Variants in PAPOLG observed in about 807,000 individuals in gnomAD.
PAPOLG encodes the protein PAP-gamma.
Under a neutral mutation model 99.0 loss-of-function variants are expected in PAPOLG, and 40 were observed. That is an observed-to-expected ratio of 0.40 (90% CI 0.31 to 0.53). The LOEUF is 0.53. PAPOLG is among the 20% of genes least tolerant of loss of function. The pLI is 0.41. For missense variants in PAPOLG, 675 were observed against 884.1 expected (o/e 0.76, Z 3.00); for synonymous variants, 310 against 299.3 (o/e 1.04, Z -0.37).
chr2:60,758,298 G>A (rs1182895416), intron 1 of PAPOLG, among the ~76,000 whole-genome samples: 1 of 132,206 alleles, frequency 7.6e-6, no homozygotes, highest in East Asian at 2.4e-4. Flanking sequence ...AAATACAGAA[G>A]ATAAATTAAC....
intron 9 of PAPOLG, 63 bp from the exon 10 acceptor site, chr2:60,780,644 T>A (rs1671160046): frequency 2.0e-6 from 3 of 1,483,044 alleles, no homozygotes; most frequent in Non-Finnish European, 2.8e-6. Context: ...CTAATAATTA[T>A]AAAGTTTCAT....
At chr2:60,793,800 A>C (rs1671614562) in intron 18 of PAPOLG, 85 bp downstream of exon 18, 2 of 1,506,788 alleles carry the variant, frequency 1.3e-6, no homozygotes, top group Non-Finnish European at 1.8e-6. Context: ...AGTCCTAGCT[A>C]CTGGGGAGGC....
intron 1 of PAPOLG, 59 bp downstream of exon 1, chr2:60,756,554 G>T: frequency 6.5e-7 from 1 of 1,527,624 alleles, no homozygotes; most frequent in Non-Finnish European, 8.8e-7. Flanking sequence ...GAGGTGGTCC[G>T]ACTGTGTCCT....
intron 3 of PAPOLG, among the ~76,000 whole-genome samples, chr2:60,762,353 T>C (rs1383642943): frequency 1.3e-5 from 2 of 152,068 alleles, no homozygotes; most frequent in Non-Finnish European, 2.9e-5. Context: ...AGCTTAACTA[T>C]TTTTTTCCTG....
At chr2:60,787,122 C>A in intron 14 of PAPOLG, 56 bp downstream of exon 14, 3 of 1,382,986 alleles carry the variant, frequency 2.2e-6, no homozygotes, top group South Asian at 1.4e-5. Context: ...TTGGTATATG[C>A]ATCATTTCAG....
Position 60,756,345 on chromosome 2 carries a change from C to T in PAPOLG, c.-134C>T. ...TTCACTACTCGGTTGGATGCCTCAG[C>T]CATAGTAAGTGGGAAAGTGAGCGAG... On this transcript the variant is annotated 5_prime_UTR_variant, in exon 1 of 22. Transcript: ENST00000238714. 1 of 1,111,920 alleles carries T rather than the reference C, an allele frequency of 9.0e-7. No homozygotes were observed. Among genetic ancestry groups the T allele is most frequent in the Non-Finnish European group, 1.4e-6 (1 of 731,564 alleles). 68.9% of individuals were successfully genotyped at this position (1,111,920 alleles called of 1,614,324 possible).
intron 18 of PAPOLG, 107 bp from the exon 19 acceptor site, chr2:60,793,864 T>A: frequency 1.3e-5 from 18 of 1,417,850 alleles, no homozygotes; most frequent in Non-Finnish European, 1.6e-5. Context: ...TGAGCTGTGA[T>A]CAAGCCACTG....
At chr2:60,787,742 A>G (rs979020264) in intron 15 of PAPOLG, 122 bp downstream of exon 15, 9 of 1,285,946 alleles carry the variant, frequency 7.0e-6, no homozygotes, top group African/African-American at 3.0e-5. Context: ...AACATGGCAT[A>G]TCCGTATTGC....
Position 60,800,734 on chromosome 2 carries a change from A to G in PAPOLG, c.*3574A>G, listed in dbSNP as rs1246573425. Reference sequence around the variant, plus strand: ...GTATAAGAAGTTCTAGTTTACATGCATTTTTCTTGGGGAAAGTGCATAGTT... The same window carrying G: ...GTATAAGAAGTTCTAGTTTACATGCGTTTTTCTTGGGGAAAGTGCATAGTT... On this transcript the variant is annotated 3_prime_UTR_variant, in exon 22 of 22. Coordinates refer to ENST00000238714, the MANE Select transcript of PAPOLG (RefSeq NM_022894.4). The G allele has an allele frequency of 6.6e-6, 1 of 152,178 alleles. No homozygotes were observed. Among genetic ancestry groups the G allele is most frequent in the African/African-American group, 2.4e-5 (1 of 41,410 alleles). 9.4% of individuals were successfully genotyped at this position (152,178 alleles called of 1,614,324 possible). A position where few individuals can be genotyped will look rare whatever the true frequency, so the allele number is the denominator to read the frequency against.
At chr2:60,787,473 ATAATAAT>A in intron 14 of PAPOLG, 31 bp from the exon 15 acceptor site, 1 of 1,565,356 alleles carries the variant, frequency 6.4e-7, no homozygotes, top group Non-Finnish European at 8.6e-7. Flanking sequence ...GTAAAAAATA[ATAATAAT>A]TAATGGAAAT....
chr2:60,765,925 G>A (rs1670663570), intron 3 of PAPOLG, among the ~76,000 whole-genome samples: 1 of 152,124 alleles, frequency 6.6e-6, no homozygotes, highest in South Asian at 2.1e-4. Flanking sequence ...GCCAGCCTGG[G>A]CAACATAACA....
chr2:60,762,538 T>G (rs1468435797), intron 3 of PAPOLG, among the ~76,000 whole-genome samples: 1 of 152,186 alleles, frequency 6.6e-6, no homozygotes, highest in Non-Finnish European at 1.5e-5. Context: ...ATACTTTCAG[T>G]CATTTCTAGA....
At chr2:60,795,643 TAATG>T (rs1671673524) in intron 21 of PAPOLG, among the ~76,000 whole-genome samples, 1 of 150,912 alleles carries the variant, frequency 6.6e-6, no homozygotes. Context: ...TTATTTATAA[TAATG>T]ATAAATAATT....
At chr2:60,791,992 A>C in intron 16 of PAPOLG, 110 bp downstream of exon 16, 1 of 1,462,266 alleles carries the variant, frequency 6.8e-7, no homozygotes, top group South Asian at 1.3e-5. Flanking sequence ...AGGAAGATAT[A>C]GGCAGTTCAA....
At chr2:60,756,837 G>T (rs1320489170) in intron 1 of PAPOLG, among the ~76,000 whole-genome samples, 1 of 152,162 alleles carries the variant, frequency 6.6e-6, no homozygotes, top group African/African-American at 2.4e-5. Context: ...GTCTGCTCCT[G>T]TCTGCATTGG....
chr2:60,771,701 A>G (rs1009198426), intron 7 of PAPOLG, 71 bp downstream of exon 7: 3 of 1,506,654 alleles, frequency 2.0e-6, no homozygotes, highest in Admixed American at 2.3e-5. Context: ...TTTTTGCTGA[A>G]TTGACTATTC....
rs571635498 is a variant in PAPOLG at position 60,769,490 on chromosome 2, C to T, written c.438+600C>T. 2.6e-3 allele frequency among the ~76,000 whole-genome samples: 391 copies of T among 152,170 alleles called. 1 individual carries two copies. Among genetic ancestry groups the T allele is most frequent in the Non-Finnish European group, 4.3e-3 (290 of 67,998 alleles). On this transcript the variant is annotated intron_variant, in intron 5 of 21. Coordinates refer to ENST00000238714, the MANE Select transcript of PAPOLG (RefSeq NM_022894.4). ...TGAAGTGCTAGAATAAGGTGAAGGT[C>T]AAAGAATCTGTGATATTTGGGGAAT...
chr2:60,756,796 C>T (rs1471021576), intron 1 of PAPOLG, among the ~76,000 whole-genome samples: 3 of 152,102 alleles, frequency 2.0e-5, no homozygotes, highest in African/African-American at 4.8e-5. Flanking sequence ...AATTGTCGGT[C>T]ACTCGCCTGC....
intron 9 of PAPOLG, among the ~76,000 whole-genome samples, 197 bp downstream of exon 9, chr2:60,779,972 G>A (rs1025385985): frequency 6.6e-6 from 1 of 152,198 alleles, no homozygotes; most frequent in African/African-American, 2.4e-5. Context: ...GTAAATGTGG[G>A]CCTTTAGCTT....
Sources: allele counts gnomAD v4.1 joint callset (sites outside exome capture counted in the v4.1 genomes callset), GRCh38; gene constraint gnomAD v4.1.1; transcripts MANE v1.5; gene names NCBI Gene and HGNC (gene_info 2026-07-23, HGNC 2026-07-21).